FAM133A: variants seen among roughly 807,000 people sequenced by gnomAD.
The protein encoded by FAM133A is family with sequence similarity 133 member A.
For synonymous variants in FAM133A, 65 were observed against 58.6 expected (o/e 1.11, Z -0.50); for missense variants, 159 against 164.4 (o/e 0.97, Z 0.18).
intron 2 of FAM133A, among the ~76,000 whole-genome samples, chrX:93,675,816 G>A (rs1924647142): frequency 9.0e-6 from 1 of 111,135 alleles, no homozygotes; most frequent in Non-Finnish European, 1.9e-5. Flanking sequence ...AATTTACTAA[G>A]TGCATATCCT....
At chrX:93,674,404 G>A (rs1416410565) in intron 1 of FAM133A, 130 bp downstream of exon 1, 6 of 111,703 alleles carry the variant, frequency 5.4e-5, no homozygotes, top group African/African-American at 2.0e-4. Context: ...AAAACAAAGA[G>A]GTATTAAATG....
chrX:93,699,741 C>T (rs757692771), intron 3 of FAM133A, among the ~76,000 whole-genome samples: 22 of 109,667 alleles, frequency 2.0e-4, no homozygotes, highest in Non-Finnish European at 3.5e-4. Flanking sequence ...GACCTCATGA[C>T]GCTTCATATG....
Position 93,709,387 on chromosome X carries a change from A to G in FAM133A, c.-33A>G. On this transcript the variant is annotated 5_prime_UTR_variant, in exon 4 of 4. Transcript: ENST00000683942. ...GTATCTATCTTTGTTCTCCTTGGCA[A>G]CTGAGAGTCTGCCCTTGGAAACATC... 1 of 1,100,032 alleles carries G rather than the reference A, an allele frequency of 9.1e-7. No homozygotes were observed. The highest frequency in any genetic ancestry group is 3.5e-5 in the Admixed American group (1 of 28,529). 90.7% of individuals were successfully genotyped at this position (1,100,032 alleles called of 1,213,427 possible). A position where few individuals can be genotyped will look rare whatever the true frequency, so the allele number is the denominator to read the frequency against.
intron 2 of FAM133A, among the ~76,000 whole-genome samples, chrX:93,693,622 C>T (rs1259238271): frequency 1.8e-5 from 2 of 111,162 alleles, no homozygotes; most frequent in Admixed American, 9.6e-5. Flanking sequence ...AATGTGAAGA[C>T]TATCCTAATA....
rs1170869806 is a variant in FAM133A, at chrX:93,710,116, C to A, written c.697C>A (p.His233Asn). The stretch of plus-strand genomic sequence containing the variant: ...GAAGAAGAAGAAACAGCACAAGAAA[C>A]ATAGTAAGAAGAAGAAAAAGAAGTC... ...KKKKKKQHKK[H>N]SKKKKKKSGS... The change falls in exon 4 of 4, where the codon CAT becomes AAT. Residue 233 changes from histidine (H) to asparagine (N), a missense_variant. Physicochemically the swap from His to Asn is moderately conservative, Grantham distance 68 (BLOSUM62 1). Transcript: ENST00000683942. 1 of 1,187,557 alleles carries A rather than the reference C, an allele frequency of 8.4e-7. No individual in the cohort carries two copies. Among genetic ancestry groups the A allele is most frequent in the Admixed American group, 2.4e-5 (1 of 40,847 alleles).
chrX:93,689,860 C>T (rs149953829), intron 2 of FAM133A, among the ~76,000 whole-genome samples: 1,346 of 110,805 alleles, frequency 0.012, 8 homozygotes, highest in Non-Finnish European at 0.019. Flanking sequence ...TACTAGGTTT[C>T]TAATTTAATG....
chrX:93,674,987 T>C (rs1163379302), intron 2 of FAM133A, among the ~76,000 whole-genome samples: 2 of 112,267 alleles, frequency 1.8e-5, no homozygotes, highest in African/African-American at 6.5e-5. Context: ...AATTAAAATA[T>C]GAAATATGAT....
chrX:93,707,249 A>G (rs1927099585), intron 3 of FAM133A, among the ~76,000 whole-genome samples: 1 of 111,792 alleles, frequency 8.9e-6, no homozygotes, highest in Admixed American at 9.5e-5. Flanking sequence ...AAGAATGAAA[A>G]TTACAGAAAG....
At position 93,709,688 on chromosome X, in the gene FAM133A, AAAG is replaced by A. The variant is rs771153546; in HGVS notation, c.271_273del (p.Arg91del). 8.4e-6 allele frequency: 10 copies of A among 1,193,345 alleles called. No homozygotes were observed. In the Admixed American group the frequency reaches 1.4e-4, roughly 17 times the overall value. ...AGTGGAAATGAGAGCTCATCTAAAA[AAAG>A]AGAAAGAAAGAAAAAGAGAAAGAAG... On this transcript the variant is annotated inframe_deletion, in exon 4 of 4. Transcript: ENST00000683942.
chrX:93,679,241 TA>T (rs999923004), intron 2 of FAM133A, among the ~76,000 whole-genome samples: 54 of 111,080 alleles, frequency 4.9e-4, no homozygotes, highest in African/African-American at 1.6e-3. Context: ...AGAATAGTAA[TA>T]AAACATTGGT....
intron 2 of FAM133A, among the ~76,000 whole-genome samples, chrX:93,675,272 C>T (rs1350907049): frequency 8.9e-6 from 1 of 111,837 alleles, no homozygotes; most frequent in Non-Finnish European, 1.9e-5. Context: ...CCAGAAATTT[C>T]CTTGTGCATA....
At chrX:93,686,115 A>G (rs1237849161) in intron 2 of FAM133A, among the ~76,000 whole-genome samples, 1 of 108,485 alleles carries the variant, frequency 9.2e-6, no homozygotes, top group Non-Finnish European at 1.9e-5. Context: ...CTCAAAAAAA[A>G]AAAAAAAAAA....
At chrX:93,682,242 A>T (rs183354416) in intron 2 of FAM133A, among the ~76,000 whole-genome samples, 23 of 112,158 alleles carry the variant, frequency 2.1e-4, no homozygotes, top group African/African-American at 7.4e-4. Flanking sequence ...AAATGACATA[A>T]TACATGTAAA....
intron 3 of FAM133A, 34 bp from the exon 4 acceptor site, chrX:93,709,283 T>A (rs1157621874): frequency 1.2e-6 from 1 of 833,402 alleles, no homozygotes; most frequent in Non-Finnish European, 1.6e-6. Context: ...ATATTAAAGG[T>A]GATTTGTAAT....
chrX:93,691,719 G>A (rs1123623), intron 2 of FAM133A, among the ~76,000 whole-genome samples: 57,985 of 110,581 alleles, frequency 0.52, 11,671 homozygotes, highest in Non-Finnish European at 0.64. Flanking sequence ...TATAGGGGTT[G>A]GATTTAATCT....
At chrX:93,703,935 T>G (rs1174468934) in intron 3 of FAM133A, among the ~76,000 whole-genome samples, 1 of 111,924 alleles carries the variant, frequency 8.9e-6, no homozygotes, top group Non-Finnish European at 1.9e-5. Flanking sequence ...ATGACAGAAC[T>G]ATGCTGGAGG....
At chrX:93,678,534 A>G (rs1924882366) in intron 2 of FAM133A, among the ~76,000 whole-genome samples, 1 of 111,888 alleles carries the variant, frequency 8.9e-6, no homozygotes, top group South Asian at 3.7e-4. Flanking sequence ...TTTGTGTGTC[A>G]TCTCTTAGAA....
At chrX:93,696,171 G>A (rs1170600565) in intron 2 of FAM133A, among the ~76,000 whole-genome samples, 1 of 111,447 alleles carries the variant, frequency 9.0e-6, no homozygotes, top group Non-Finnish European at 1.9e-5. Flanking sequence ...TACAACGAGC[G>A]TTGAGGAGTT....
intron 2 of FAM133A, among the ~76,000 whole-genome samples, chrX:93,690,430 T>C (rs1489113198): frequency 8.9e-6 from 1 of 111,793 alleles, no homozygotes; most frequent in African/African-American, 3.2e-5. Flanking sequence ...TTTCTGTCTA[T>C]ATAAATTTGC....
Sources: gnomAD v4.1 joint callset for allele counts (sites outside exome capture counted in the v4.1 genomes callset) on GRCh38, gnomAD v4.1.1 for gene constraint, MANE v1.5 for transcripts, NCBI Gene and HGNC (gene_info 2026-07-23, HGNC 2026-07-21) for gene names.